The following PELI2 variants were observed in gnomAD, a reference collection of about 807,000 sequenced individuals.
The protein encoded by PELI2 is pellino E3 ubiquitin protein ligase family member 2.
PELI2 carries 23 observed loss-of-function variants against 42.3 expected under a neutral mutation model. The observed-to-expected ratio is 0.54, with a 90% confidence interval of 0.39 to 0.77. The LOEUF (loss-of-function observed/expected upper bound fraction) is 0.77. Ranked by LOEUF, PELI2 falls within the 30% of genes least tolerant of loss-of-function variation. The probability of loss-of-function intolerance (pLI) is 0.00; values close to 1 mark genes in which losing one functional copy is unlikely to be tolerated. For missense variants in PELI2, 463 were observed against 553.2 expected (o/e 0.84, Z 1.64); for synonymous variants, 245 against 212.2 (o/e 1.15, Z -1.34).
chr14:56,279,526 G>C, intron 2 of PELI2, 150 bp from the exon 3 acceptor site: 1 of 424,566 alleles, frequency 2.4e-6, no homozygotes, highest in Admixed American at 4.1e-5. Context: ...TGTGATTGAC[G>C]GAATAGAGCA....
intron 2 of PELI2, among the ~76,000 whole-genome samples, chr14:56,205,648 G>A (rs1287049212): frequency 6.6e-6 from 1 of 152,200 alleles, no homozygotes; most frequent in Non-Finnish European, 1.5e-5. Context: ...AGTTTTGAAA[G>A]TAAATAAAAT....
At chr14:56,162,823 T>C (rs1160438214) in intron 1 of PELI2, among the ~76,000 whole-genome samples, 1 of 152,224 alleles carries the variant, frequency 6.6e-6, no homozygotes, top group East Asian at 1.9e-4. Context: ...TGAAATGATA[T>C]CTCATTGTAG....
chr14:56,213,077 T>A (rs1379549315), intron 2 of PELI2, among the ~76,000 whole-genome samples: 1 of 152,196 alleles, frequency 6.6e-6, no homozygotes, highest in African/African-American at 2.4e-5. Context: ...TTCAGTCTTC[T>A]TATGGACTCA....
chr14:56,153,718 T>G (rs1247200831), intron 1 of PELI2, among the ~76,000 whole-genome samples: 1 of 152,200 alleles, frequency 6.6e-6, no homozygotes, highest in Non-Finnish European at 1.5e-5. Flanking sequence ...TACATAGAGT[T>G]TTTTTGTAAA....
At chr14:56,118,905 C>G (rs1024014754) in intron 1 of PELI2, among the ~76,000 whole-genome samples, 168 bp downstream of exon 1, 4 of 150,574 alleles carry the variant, frequency 2.7e-5, no homozygotes, top group African/African-American at 9.7e-5. Flanking sequence ...GGGATGCGCC[C>G]CATCGGCGCG....
At chr14:56,159,514 C>T (rs1884680931) in intron 1 of PELI2, among the ~76,000 whole-genome samples, 1 of 152,064 alleles carries the variant, frequency 6.6e-6, no homozygotes, top group Non-Finnish European at 1.5e-5. Flanking sequence ...AAACCTTTAC[C>T]TGGTGGTTCT....
At chr14:56,173,227 T>G (rs1384803084) in intron 1 of PELI2, among the ~76,000 whole-genome samples, 2 of 152,182 alleles carry the variant, frequency 1.3e-5, no homozygotes. Flanking sequence ...TCCCTCACCC[T>G]GTGCATCCAA....
At chr14:56,129,078 G>A (rs1367446813) in intron 1 of PELI2, among the ~76,000 whole-genome samples, 1 of 152,136 alleles carries the variant, frequency 6.6e-6, no homozygotes, top group Non-Finnish European at 1.5e-5. Flanking sequence ...TGTGATGAGA[G>A]AGACTTGAAA....
At chr14:56,169,932 C>T (rs147923521) in intron 1 of PELI2, among the ~76,000 whole-genome samples, 1,909 of 152,238 alleles carry the variant, frequency 0.013, 41 homozygotes, top group African/African-American at 0.044. Flanking sequence ...ATGTTAGGCG[C>T]TTATTGGCAT....
intron 1 of PELI2, among the ~76,000 whole-genome samples, chr14:56,153,096 C>G (rs925292355): frequency 6.6e-6 from 1 of 152,142 alleles, no homozygotes; most frequent in Non-Finnish European, 1.5e-5. Context: ...CATGTTGTTT[C>G]TTCCACCTGG....
At chr14:56,280,547 G>A (rs1889449461) in intron 3 of PELI2, among the ~76,000 whole-genome samples, 1 of 151,988 alleles carries the variant, frequency 6.6e-6, no homozygotes. Context: ...TTTCCATATG[G>A]AGAGTTAAAT....
At chr14:56,209,060 A>T (rs1028673073) in intron 2 of PELI2, among the ~76,000 whole-genome samples, 1 of 152,266 alleles carries the variant, frequency 6.6e-6, no homozygotes, top group African/African-American at 2.4e-5. Flanking sequence ...TTTGATAAGT[A>T]TAATGAAATA....
intron 1 of PELI2, among the ~76,000 whole-genome samples, chr14:56,126,110 T>C (rs1035191431): frequency 6.6e-6 from 1 of 151,946 alleles, no homozygotes; most frequent in Non-Finnish European, 1.5e-5. Context: ...TTTTTCTTTT[T>C]GTCAGTCACC....
chr14:56,233,285 C>T (rs1179545523), intron 2 of PELI2, among the ~76,000 whole-genome samples: 2 of 152,138 alleles, frequency 1.3e-5, no homozygotes, highest in Non-Finnish European at 2.9e-5. Context: ...AAAAAAGAGC[C>T]CACATTGCCA....
intron 2 of PELI2, among the ~76,000 whole-genome samples, chr14:56,230,582 C>A (rs1887523424): frequency 6.6e-6 from 1 of 152,164 alleles, no homozygotes; most frequent in South Asian, 2.1e-4. Flanking sequence ...GCCTGCCTTA[C>A]AAGAGCTCCT....
chr14:56,187,645 T>C (rs140464398), intron 2 of PELI2, among the ~76,000 whole-genome samples: 1 of 152,334 alleles, frequency 6.6e-6, no homozygotes, highest in East Asian at 1.9e-4. Flanking sequence ...GCCTTAACTT[T>C]TCTGAAAAAG....
At chr14:56,284,034 C>T (rs943913738) in intron 3 of PELI2, among the ~76,000 whole-genome samples, 19 of 152,160 alleles carry the variant, frequency 1.2e-4, no homozygotes, top group African/African-American at 4.1e-4. Context: ...AGAGTTTGTT[C>T]GTTTTAGTCA....
intron 2 of PELI2, among the ~76,000 whole-genome samples, chr14:56,269,736 G>A (rs898137610): frequency 3.3e-5 from 5 of 152,244 alleles, no homozygotes; most frequent in South Asian, 2.1e-4. Flanking sequence ...TACTATTAGC[G>A]AAACAGTACA....
chr14:56,231,778 CAG>C (rs2139772137), intron 2 of PELI2, among the ~76,000 whole-genome samples: 1 of 152,202 alleles, frequency 6.6e-6, no homozygotes, highest in South Asian at 2.1e-4. Context: ...CTGAAGGAGA[CAG>C]AGACACAGAA....
Sources: allele counts gnomAD v4.1 joint callset (sites outside exome capture counted in the v4.1 genomes callset), GRCh38; gene constraint gnomAD v4.1.1; transcripts MANE v1.5; gene names NCBI Gene and HGNC (gene_info 2026-07-23, HGNC 2026-07-21).